CPSF7: variants seen among roughly 807,000 people sequenced by gnomAD.
CPSF7 encodes the protein cleavage and polyadenylation specific factor 7, also known as cleavage and polyadenylation specificity factor subunit 7.
A neutral mutation model predicts 44.3 loss-of-function variants in CPSF7; 1 was observed. The ratio of observed to expected loss-of-function variants is 0.02; its 90% CI spans 0.01 to 0.11. The LOEUF is 0.11. CPSF7 is among the 10% of genes least tolerant of loss of function. The pLI, the probability that CPSF7 is intolerant of heterozygous loss-of-function variation, is 1.00. For missense variants in CPSF7, 443 were observed against 607.2 expected (o/e 0.73, Z 2.84); for synonymous variants, 202 against 222.0 (o/e 0.91, Z 0.80).
In CPSF7 at chr11:61,429,963, C is replaced by A; in HGVS notation, c.-105G>T. 1 of 1,309,064 alleles carries A rather than the reference C, an allele frequency of 7.6e-7. No individual in the cohort carries two copies. The highest frequency in any genetic ancestry group is 1.0e-6 in the Non-Finnish European group (1 of 973,960). 81.1% of individuals were successfully genotyped at this position (1,309,064 alleles called of 1,614,324 possible). A position where few individuals can be genotyped will look rare whatever the true frequency, so the allele number is the denominator to read the frequency against. Reference sequence around the variant, plus strand: ...GAGTCCGGACTAGGCCCGAAGCGCGCGAACCGCTCTCCGCCCCAGGTCCCG... The same window carrying A: ...GAGTCCGGACTAGGCCCGAAGCGCGAGAACCGCTCTCCGCCCCAGGTCCCG... On this transcript the variant is annotated 5_prime_UTR_variant, in exon 1 of 10. Transcript: ENST00000439958.
At chr11:61,419,143 C>T (rs570760030) in intron 5 of CPSF7, among the ~76,000 whole-genome samples, 1 of 152,180 alleles carries the variant, frequency 6.6e-6, no homozygotes, top group Non-Finnish European at 1.5e-5. Flanking sequence ...CTGCCTCAGT[C>T]TCCCGTGTAG....
At chr11:61,414,003 A>G (rs1012896020) in intron 7 of CPSF7, among the ~76,000 whole-genome samples, 2 of 152,230 alleles carry the variant, frequency 1.3e-5, no homozygotes, top group African/African-American at 2.4e-5. Flanking sequence ...TGAGAACAAC[A>G]GGAGATCAAG....
intron 2 of CPSF7, among the ~76,000 whole-genome samples, chr11:61,425,454 T>G (rs767635230): frequency 6.6e-6 from 1 of 152,228 alleles, no homozygotes; most frequent in Admixed American, 6.5e-5. Context: ...TGAATAACTA[T>G]CTCAAAGAAT....
At chr11:61,425,177 A>C (rs1036759906) in intron 2 of CPSF7, among the ~76,000 whole-genome samples, 3 of 152,258 alleles carry the variant, frequency 2.0e-5, no homozygotes, top group Non-Finnish European at 4.4e-5. Context: ...TGGGAACTGC[A>C]CAGGGCAGGT....
intron 9 of CPSF7, among the ~76,000 whole-genome samples, chr11:61,409,666 T>C (rs1859672441): frequency 2.4e-4 from 1 of 4,116 alleles, no homozygotes; most frequent in Admixed American, 3.8e-3. Context: ...AATAAACCGT[T>C]TTTTTTTTTT....
chr11:61,424,836 A>T (rs1038910091), intron 2 of CPSF7, among the ~76,000 whole-genome samples: 11 of 152,232 alleles, frequency 7.2e-5, no homozygotes, highest in Non-Finnish European at 1.3e-4. Context: ...GAATGGAACC[A>T]AACTGAGATT....
In CPSF7 at chr11:61,402,805, G is replaced by A. The variant is rs1858992484; in HGVS notation, c.*1905C>T. ...AACAAATCACCGACAACAGGGGGACGGGACCTTGGCCTTTTTGAGGGATGG... is the reference window on the plus strand; with the variant it reads ...AACAAATCACCGACAACAGGGGGACAGGACCTTGGCCTTTTTGAGGGATGG... On this transcript the variant is annotated 3_prime_UTR_variant, in exon 10 of 10. Coordinates refer to ENST00000439958, the MANE Select transcript of CPSF7 (RefSeq NM_001142565.3). 2 of 152,608 alleles carry A rather than the reference G, an allele frequency of 1.3e-5. No individual in the cohort carries two copies. The highest frequency in any genetic ancestry group is 6.5e-5 in the Admixed American group (1 of 15,274). The allele number at this position is 152,608 out of a possible 1,614,324, so 9.5% of individuals were successfully genotyped here.
Position 61,411,943 on chromosome 11 carries a change from A to T in CPSF7, c.1058-6T>A, listed in dbSNP as rs1405416273. 2 of 1,613,906 alleles carry T rather than the reference A, an allele frequency of 1.2e-6. No individual in the cohort carries two copies. The highest frequency in any genetic ancestry group is 3.3e-5 in the Admixed American group (2 of 60,024). On this transcript the variant is annotated splice_polypyrimidine_tract_variant and splice_region_variant and intron_variant, in intron 7 of 9. Coordinates refer to ENST00000439958, the MANE Select transcript of CPSF7 (RefSeq NM_001142565.3). Reference sequence around the variant, plus strand: ...AATTGCGTCACTGTAATCCCCTGATAAAGGATGAAGGAGAAAGGCCAAGGG... The same window carrying T: ...AATTGCGTCACTGTAATCCCCTGATTAAGGATGAAGGAGAAAGGCCAAGGG...
At chr11:61,409,883 T>C (rs1033345402) in intron 9 of CPSF7, among the ~76,000 whole-genome samples, 1 of 151,940 alleles carries the variant, frequency 6.6e-6, no homozygotes, top group Non-Finnish European at 1.5e-5. Flanking sequence ...TGAGGCAGAA[T>C]AGCTTGAACC....
intron 2 of CPSF7, among the ~76,000 whole-genome samples, chr11:61,424,196 G>A (rs926692558): frequency 3.9e-5 from 6 of 152,204 alleles, no homozygotes; most frequent in African/African-American, 1.4e-4. Flanking sequence ...ACACTGGAGA[G>A]GACAGGGTGG....
intron 8 of CPSF7, 37 bp from the exon 9 acceptor site, chr11:61,411,142 T>C: frequency 6.4e-7 from 1 of 1,557,566 alleles, no homozygotes; most frequent in South Asian, 1.2e-5. Context: ...TCAGAAGGCC[T>C]ACCACTTTCT....
chr11:61,416,123 G>C lies in CPSF7; in HGVS notation c.920C>G (p.Pro307Arg), dbSNP rs1383608798. 1.3e-6 allele frequency: 2 copies of C among 1,502,226 alleles called. No individual in the cohort carries two copies. Among genetic ancestry groups the C allele is most frequent in the Admixed American group, 2.4e-5 (1 of 41,794 alleles). The allele number at this position is 1,502,226 out of a possible 1,614,324, so 93.1% of individuals were successfully genotyped here. ...PPDTYMKASA[P>R]YNHHGSRDSG... The stretch of plus-strand genomic sequence containing the variant: ...TCCTTACCTGCCATGGTGGTTATAG[G>C]GGGCAGAGGCCTTCATGTAAGTATC... Residue 307 changes from proline (P) to arginine (R), a missense_variant, in exon 6 of 10, where the codon CCC (proline) becomes CGC (arginine). Coordinates refer to ENST00000439958, the MANE Select transcript of CPSF7 (RefSeq NM_001142565.3).
At chr11:61,413,278 T>G (rs1860012669) in intron 7 of CPSF7, among the ~76,000 whole-genome samples, 1 of 152,228 alleles carries the variant, frequency 6.6e-6, no homozygotes, top group East Asian at 1.9e-4. Context: ...TACCATCAGA[T>G]GTATGTGTGT....
intron 2 of CPSF7, among the ~76,000 whole-genome samples, chr11:61,427,991 T>C (rs1378996565): frequency 1.3e-5 from 2 of 152,166 alleles, no homozygotes; most frequent in Admixed American, 1.3e-4. Flanking sequence ...CAATACATGC[T>C]CTTACCAGGT....
At chr11:61,428,345 G>A (rs1273919485) in intron 2 of CPSF7, among the ~76,000 whole-genome samples, 4 of 151,566 alleles carry the variant, frequency 2.6e-5, no homozygotes, top group Non-Finnish European at 3.0e-5. Context: ...ACCATATCTC[G>A]TTGTTGTTTT....
chr11:61,408,681 C>G (rs1859552227), intron 9 of CPSF7, among the ~76,000 whole-genome samples: 1 of 152,240 alleles, frequency 6.6e-6, no homozygotes, highest in African/African-American at 2.4e-5. Context: ...TAGGATGCAA[C>G]CTAAAGACAC....
intron 5 of CPSF7, among the ~76,000 whole-genome samples, chr11:61,418,041 A>G (rs1860503606): frequency 1.3e-5 from 2 of 152,376 alleles, no homozygotes; most frequent in East Asian, 1.9e-4. Context: ...GGTGAATTAC[A>G]GAAAGACTCC....
chr11:61,423,769 G>A (rs1013868729), intron 2 of CPSF7, among the ~76,000 whole-genome samples: 5 of 152,154 alleles, frequency 3.3e-5, no homozygotes, highest in African/African-American at 1.2e-4. Context: ...TGCTAATTCT[G>A]AAGTGATCTG....
chr11:61,418,489 T>A (rs776049352), intron 5 of CPSF7, among the ~76,000 whole-genome samples: 1 of 152,162 alleles, frequency 6.6e-6, no homozygotes, highest in Non-Finnish European at 1.5e-5. Context: ...AAGAGACTGA[T>A]TCATAAACCA....
Sources: gnomAD v4.1 joint callset for allele counts (sites outside exome capture counted in the v4.1 genomes callset) on GRCh38, gnomAD v4.1.1 for gene constraint, MANE v1.5 for transcripts, NCBI Gene and HGNC (gene_info 2026-07-23, HGNC 2026-07-21) for gene names.